Variants in LARP4B observed in about 807,000 individuals in gnomAD.
LARP4B encodes La ribonucleoprotein 4B, also known as la-related protein 4B.
A neutral mutation model predicts 89.8 loss-of-function variants in LARP4B; 12 were observed. That is an observed-to-expected ratio of 0.13 (90% CI 0.09 to 0.22). The LOEUF (loss-of-function observed/expected upper bound fraction) is 0.22. Among genes scored for constraint, LARP4B ranks in the 10% least tolerant of loss-of-function variants. LARP4B has a pLI of 1.00. For synonymous variants in LARP4B, 367 were observed against 363.3 expected (o/e 1.01, Z -0.12); for missense variants, 757 against 947.7 (o/e 0.80, Z 2.64).
At chr10:980,727 T>C in the LARP4B span, among the ~76,000 whole-genome samples, 1 of 152,210 alleles carries the variant, frequency 6.6e-6, no homozygotes, top group Admixed American at 6.5e-5. Flanking sequence ...CCTAGGCCTC[T>C]GGGCCTATGA....
the LARP4B span, among the ~76,000 whole-genome samples, chr10:963,711 A>G: frequency 6.6e-6 from 1 of 152,176 alleles, no homozygotes; most frequent in Non-Finnish European, 1.5e-5. Flanking sequence ...AGAAATAGTC[A>G]ATGTTTATTT....
intron 3 of LARP4B, among the ~76,000 whole-genome samples, chr10:869,826 G>A (rs188251062): frequency 8.0e-4 from 121 of 151,572 alleles, no homozygotes; most frequent in African/African-American, 2.8e-3. Context: ...ACTTGAACTT[G>A]GGAGGTGGAG....
chr10:961,369 C>G, the LARP4B span, among the ~76,000 whole-genome samples: 1 of 152,132 alleles, frequency 6.6e-6, no homozygotes, highest in Non-Finnish European at 1.5e-5. Context: ...GGTGAGGCCT[C>G]GGGAAGGTCC....
chr10:838,303 C>T (rs961946500), intron 7 of LARP4B, among the ~76,000 whole-genome samples: 11 of 152,084 alleles, frequency 7.2e-5, no homozygotes, highest in African/African-American at 2.4e-4. Flanking sequence ...ACTTCTGCTT[C>T]GTGAAAGGCA....
rs760714666 is a variant in LARP4B, at chr10:885,741, G to A, written c.-20C>T. The A allele has an allele frequency of 7.5e-6, 12 of 1,601,400 alleles. No homozygotes were observed. Among genetic ancestry groups the A allele is most frequent in the Non-Finnish European group, 1.0e-5 (12 of 1,168,820 alleles). ...AGTCATGGGCTCCACTGGGAGAAGT[G>A]TAATGCTAACCTCAGGATGCTGTAA... On this transcript the variant is annotated 5_prime_UTR_variant, in exon 2 of 18. Transcript: ENST00000316157.
At chr10:863,638 G>A in intron 5 of LARP4B, 105 bp downstream of exon 5, 1 of 1,240,088 alleles carries the variant, frequency 8.1e-7, no homozygotes, top group Non-Finnish European at 1.1e-6. Context: ...ATTAAAAGCA[G>A]GCAAAGAAAG....
At chr10:833,185 A>G (rs773481776) in intron 8 of LARP4B, among the ~76,000 whole-genome samples, 1 of 145,902 alleles carries the variant, frequency 6.9e-6, no homozygotes. Context: ...GACACAATGG[A>G]AGTAGAAGAA....
At chr10:913,407 A>C (rs1050778371) in intron 1 of LARP4B, among the ~76,000 whole-genome samples, 8 of 152,382 alleles carry the variant, frequency 5.2e-5, no homozygotes, top group Admixed American at 3.9e-4. Context: ...AAGTGCTTAA[A>C]TCAAATATTT....
At chr10:962,300 A>G in the LARP4B span, among the ~76,000 whole-genome samples, 10 of 131,952 alleles carry the variant, frequency 7.6e-5, no homozygotes, top group Admixed American at 5.8e-4. Context: ...TCCATCTCCA[A>G]AAAAAAAAAA....
chr10:934,239 G>A (rs182799681), upstream of LARP4B, among the ~76,000 whole-genome samples: 19 of 152,074 alleles, frequency 1.2e-4, no homozygotes, highest in East Asian at 3.7e-3. Context: ...GCTCATGCCT[G>A]TAATCCCAGC....
chr10:815,370 A>C, intron 15 of LARP4B: 1 of 216,680 alleles, frequency 4.6e-6, no homozygotes, highest in East Asian at 9.8e-5. Context: ...AACACATCTC[A>C]CCCACCTGGC....
rs1357797150 is a variant in LARP4B, at chr10:885,870, TC to T, written c.-39-111del. The T allele has an allele frequency of 4.0e-5, 22 of 547,648 alleles. No individual in the cohort carries two copies. In the African/African-American group the frequency reaches 4.2e-4, roughly 10 times the overall value. 33.9% of individuals were successfully genotyped at this position (547,648 alleles called of 1,614,324 possible). On this transcript the variant is annotated intron_variant, in intron 1 of 17. Transcript: ENST00000316157. ...AGGACACACGTTTATCCCTCTGAAT[TC>T]AAAAAAGTTTAAAGAAGTCTTCCCA...
chr10:980,099 T>C, the LARP4B span, among the ~76,000 whole-genome samples: 3 of 152,252 alleles, frequency 2.0e-5, no homozygotes, highest in South Asian at 6.2e-4. Flanking sequence ...TCATTAAATC[T>C]TAAGGCTCCA....
Position 907,655 on chromosome 10 carries a change from C to T in LARP4B, c.-39-21895G>A, listed in dbSNP as rs1419437529. On this transcript the variant is annotated intron_variant, in intron 1 of 17. Transcript: ENST00000316157. Reference sequence around the variant, plus strand: ...TGAAATATATATATTTGGTTTTCCTCCCATTTCATGGCATAGAATTCTTAA... The same window carrying T: ...TGAAATATATATATTTGGTTTTCCTTCCATTTCATGGCATAGAATTCTTAA... 2.0e-5 allele frequency among the ~76,000 whole-genome samples: 3 copies of T among 152,142 alleles called. No individual in the cohort carries two copies. In the East Asian group the frequency reaches 5.8e-4, roughly 29 times the overall value.
At chr10:827,366 T>G (rs1359393616) in intron 11 of LARP4B, among the ~76,000 whole-genome samples, 1 of 152,192 alleles carries the variant, frequency 6.6e-6, no homozygotes, top group Non-Finnish European at 1.5e-5. Flanking sequence ...TGAGGACTAA[T>G]CATTTCCAGC....
chr10:934,137 GTTAAACTTCAATC>G (rs1385885231), upstream of LARP4B, among the ~76,000 whole-genome samples: 4 of 151,888 alleles, frequency 2.6e-5, no homozygotes, highest in Non-Finnish European at 5.9e-5. Flanking sequence ...CGGCTGGTAG[GTTAAACTTCAATC>G]TTTTTTGTCT....
At position 829,367 on chromosome 10, in the gene LARP4B, A is replaced by AT; in HGVS notation, c.1125+17_1125+18insA. 6.4e-7 allele frequency: 1 copy of AT among 1,561,734 alleles called. No homozygotes were observed. The highest frequency in any genetic ancestry group is 1.2e-5 in the South Asian group (1 of 83,968). On this transcript the variant is annotated intron_variant, in intron 11 of 17. Coordinates refer to ENST00000316157, the MANE Select transcript of LARP4B (RefSeq NM_015155.3). ...CATAGTGTCTACAACATAAATTCCT[A>AT]GTAAAGAAATGACGTACCAAGGGTG...
At chr10:972,994 C>T in the LARP4B span, 6 of 401,604 alleles carry the variant, frequency 1.5e-5, no homozygotes, top group South Asian at 1.1e-4. Context: ...CACTGTGATT[C>T]TGTGGGTGGG....
At chr10:929,315 C>T (rs1182181784) in intron 1 of LARP4B, among the ~76,000 whole-genome samples, 1 of 152,176 alleles carries the variant, frequency 6.6e-6, no homozygotes, top group East Asian at 1.9e-4. Flanking sequence ...ATTCAGTAAG[C>T]TGGGCGCAGT....
Sources: gnomAD v4.1 joint callset for allele counts (sites outside exome capture counted in the v4.1 genomes callset) on GRCh38, gnomAD v4.1.1 for gene constraint, MANE v1.5 for transcripts, NCBI Gene and HGNC (gene_info 2026-07-23, HGNC 2026-07-21) for gene names.